Variants in DENND1A observed in about 807,000 individuals in gnomAD.
DENND1A encodes DENN domain-containing protein 1A.
In DENND1A, 51 loss-of-function variants were observed where a neutral mutation model predicts 113.7. The observed-to-expected ratio is 0.45, with a 90% CI of 0.36 to 0.57. The LOEUF (loss-of-function observed/expected upper bound fraction) is 0.57. Ranked by LOEUF, DENND1A falls within the 20% of genes least tolerant of loss-of-function variation. The pLI is 0.00. For synonymous variants in DENND1A, 565 were observed against 570.8 expected, an observed-to-expected ratio of 0.99 and a Z score of 0.14; for missense variants, 1,258 against 1,395.9, an observed-to-expected ratio of 0.90 and a Z score of 1.57.
chr9:123,689,787 T>C (rs2065046906), intron 5 of DENND1A, among the ~76,000 whole-genome samples: 1 of 151,820 alleles, frequency 6.6e-6, no homozygotes, highest in Non-Finnish European at 1.5e-5. Flanking sequence ...CTGGGCAACA[T>C]GGGGAAACCC....
chr9:123,589,847 A>G (rs1032731831), intron 11 of DENND1A, among the ~76,000 whole-genome samples: 1 of 152,160 alleles, frequency 6.6e-6, no homozygotes, highest in African/African-American at 2.4e-5. Flanking sequence ...AACCCGTAGT[A>G]TGGGGAGTGG....
intron 8 of DENND1A, among the ~76,000 whole-genome samples, chr9:123,658,084 G>A (rs1340255967): frequency 1.3e-5 from 2 of 152,230 alleles, no homozygotes; most frequent in African/African-American, 4.8e-5. Context: ...AAGTCATGAT[G>A]AGTTCATAAA....
chr9:123,635,349 T>A (rs1467323606), intron 9 of DENND1A, among the ~76,000 whole-genome samples: 1 of 152,190 alleles, frequency 6.6e-6, no homozygotes, highest in Non-Finnish European at 1.5e-5. Flanking sequence ...TAGGAAACAG[T>A]TTCAGAGGTG....
chr9:123,384,095 T>C (rs1424671964), intron 22 of DENND1A, among the ~76,000 whole-genome samples, 182 bp from the exon 23 acceptor site: 1 of 152,212 alleles, frequency 6.6e-6, no homozygotes, highest in Non-Finnish European at 1.5e-5. Flanking sequence ...AAGCTGGGCA[T>C]GCCGATGGGC....
chr9:123,848,134 G>T (rs931270124), intron 2 of DENND1A, among the ~76,000 whole-genome samples: 2 of 142,578 alleles, frequency 1.4e-5, no homozygotes, highest in Non-Finnish European at 3.0e-5. Context: ...GGGTAAAGAT[G>T]CCAATTAAAG....
chr9:123,680,079 A>C (rs957598086), intron 5 of DENND1A, among the ~76,000 whole-genome samples: 1 of 152,224 alleles, frequency 6.6e-6, no homozygotes, highest in African/African-American at 2.4e-5. Context: ...AGGAGCTGGA[A>C]GTCCTTCCCA....
At chr9:123,856,456 A>G (rs1844214549) in intron 2 of DENND1A, among the ~76,000 whole-genome samples, 1 of 152,198 alleles carries the variant, frequency 6.6e-6, no homozygotes, top group Admixed American at 6.5e-5. Flanking sequence ...CACAGGGAAC[A>G]GCTGCATGGC....
intron 19 of DENND1A, chr9:123,439,724 T>C (rs1248103701): frequency 6.6e-6 from 1 of 152,200 alleles, no homozygotes; most frequent in Non-Finnish European, 1.5e-5. Flanking sequence ...AAAGGGTACA[T>C]AATCTTTTTT....
intron 13 of DENND1A, among the ~76,000 whole-genome samples, chr9:123,536,838 C>T (rs1347011677): frequency 6.6e-6 from 1 of 152,156 alleles, no homozygotes; most frequent in East Asian, 1.9e-4. Context: ...GCAGCTGTCA[C>T]ATTATTGACC....
intron 2 of DENND1A, among the ~76,000 whole-genome samples, chr9:123,819,972 C>T (rs954669256): frequency 2.0e-5 from 3 of 151,842 alleles, no homozygotes; most frequent in African/African-American, 7.3e-5. Context: ...AACTAAATGA[C>T]ACTATTTGGA....
At chr9:123,671,403 G>T in intron 6 of DENND1A, 32 bp from the exon 7 acceptor site, 1 of 1,609,502 alleles carries the variant, frequency 6.2e-7, no homozygotes, top group Non-Finnish European at 8.5e-7. Context: ...AGTAACAAAA[G>T]CAAGGCTGAG....
chr9:123,693,249 T>C (rs959960404), intron 5 of DENND1A, among the ~76,000 whole-genome samples: 2 of 152,228 alleles, frequency 1.3e-5, no homozygotes, highest in South Asian at 2.1e-4. Context: ...TTATGTGTCA[T>C]AGCTCTTAGC....
At chr9:123,657,945 C>A (rs1235430654) in intron 8 of DENND1A, among the ~76,000 whole-genome samples, 1 of 151,756 alleles carries the variant, frequency 6.6e-6, no homozygotes, top group African/African-American at 2.4e-5. Flanking sequence ...TTCATCCCTC[C>A]ATGTGAATAG....
chr9:123,639,810 A>C (rs1390719598), intron 9 of DENND1A, among the ~76,000 whole-genome samples: 1 of 151,820 alleles, frequency 6.6e-6, no homozygotes, highest in Non-Finnish European at 1.5e-5. Flanking sequence ...AAAACAAAAA[A>C]CAGCCACCAC....
intron 11 of DENND1A, among the ~76,000 whole-genome samples, chr9:123,605,017 A>C (rs965989178): frequency 3.3e-5 from 5 of 152,174 alleles, no homozygotes; most frequent in Non-Finnish European, 7.4e-5. Context: ...CATTATCCTC[A>C]GTTTACAGGT....
rs550055211 is a variant in DENND1A, at chr9:123,502,283, G to C, written c.994-44386C>G. On this transcript the variant is annotated intron_variant, in intron 13 of 23. Coordinates refer to ENST00000394215, the MANE Select transcript of DENND1A (RefSeq NM_001352964.2). ...TATATCTACATCTATATCTACATAT[G>C]TATGTCCTGTTAGTTCTGTCCCTCT... 2.0e-5 allele frequency among the ~76,000 whole-genome samples: 3 copies of C among 150,016 alleles called. No individual in the cohort carries two copies. In the South Asian group the frequency reaches 6.5e-4, roughly 32 times the overall value.
intron 5 of DENND1A, among the ~76,000 whole-genome samples, chr9:123,733,228 G>A (rs1441490574): frequency 2.6e-5 from 4 of 151,672 alleles, no homozygotes; most frequent in Admixed American, 1.3e-4. Context: ...TGACCTGCCC[G>A]CCTCAGCCTC....
chr9:123,539,732 A>T (rs1206984732), intron 13 of DENND1A, among the ~76,000 whole-genome samples: 1 of 152,020 alleles, frequency 6.6e-6, no homozygotes, highest in Non-Finnish European at 1.5e-5. Flanking sequence ...AAATACAAAA[A>T]ATTAGCCGGG....
chr9:123,514,065 G>GTGT (rs2053669175), intron 13 of DENND1A, among the ~76,000 whole-genome samples: 2 of 109,182 alleles, frequency 1.8e-5, no homozygotes, highest in Non-Finnish European at 4.3e-5. Context: ...TCTATTTTGA[G>GTGT]GTGTGTGTGT....
Sources: gnomAD v4.1 joint callset for allele counts (sites outside exome capture counted in the v4.1 genomes callset) on GRCh38, gnomAD v4.1.1 for gene constraint, MANE v1.5 for transcripts, NCBI Gene and HGNC (gene_info 2026-07-23, HGNC 2026-07-21) for gene names.